KSR2: variants seen among roughly 807,000 people sequenced by gnomAD.
KSR2 encodes kinase suppressor of ras 2.
In KSR2, 25 loss-of-function variants were observed where a neutral mutation model predicts 107.8. That is an observed-to-expected ratio of 0.23 (90% CI 0.17 to 0.32). The LOEUF is 0.32. Among genes scored for constraint, KSR2 ranks in the 10% least tolerant of loss-of-function variants. The pLI, the probability that KSR2 is intolerant of heterozygous loss-of-function variation, is 1.00. For synonymous variants in KSR2, 480 were observed against 507.0 expected, an observed-to-expected ratio of 0.95 and a Z score of 0.71; for missense variants, 887 against 1,268.9, an observed-to-expected ratio of 0.70 and a Z score of 4.57.
chr12:117,938,946 C>G (rs903740113), intron 1 of KSR2, among the ~76,000 whole-genome samples: 4 of 151,144 alleles, frequency 2.6e-5, no homozygotes, highest in African/African-American at 9.7e-5. Context: ...GAACAAAAAT[C>G]ACTGGGAATC....
At chr12:117,654,806 G>A (rs1222779149) in intron 5 of KSR2, among the ~76,000 whole-genome samples, 1 of 152,208 alleles carries the variant, frequency 6.6e-6, no homozygotes, top group East Asian at 1.9e-4. Flanking sequence ...CAGTGGAAGA[G>A]GAGTTCAATA....
At chr12:117,924,572 CA>C (rs58789868) in intron 1 of KSR2, among the ~76,000 whole-genome samples, 6,721 of 39,512 alleles carry the variant, frequency 0.17, 64 homozygotes, top group East Asian at 0.24. Flanking sequence ...AGCTCCATCT[CA>C]AAAAAAAAAA....
At chr12:117,501,144 G>C (rs1873350910) in intron 14 of KSR2, among the ~76,000 whole-genome samples, 1 of 152,230 alleles carries the variant, frequency 6.6e-6, no homozygotes, top group African/African-American at 2.4e-5. Context: ...GTAATATCTT[G>C]TGCCATGTGA....
chr12:117,795,093 C>G (rs1257946799), intron 3 of KSR2, among the ~76,000 whole-genome samples: 1 of 152,174 alleles, frequency 6.6e-6, no homozygotes, highest in African/African-American at 2.4e-5. Context: ...CAGAGAAATG[C>G]CCCCAAGACA....
In KSR2 at chr12:117,692,449, CATATATATATATATATATATATAT is replaced by C. The variant is rs57091494; in HGVS notation, c.987-24815_987-24792del. 3.8e-3 allele frequency among the ~76,000 whole-genome samples: 324 copies of C among 84,300 alleles called. 6 individuals carry two copies. Among genetic ancestry groups the C allele is most frequent in the East Asian group, 0.026 (70 of 2,720 alleles). 55.3% of individuals were successfully genotyped at this position (84,300 alleles called of 152,430 possible). Reference sequence around the variant, plus strand: ...TACCATATGACCTGGCAACTTCACTCATATATATATATATATATATATATATATATATATATATATATATATATA... The same window carrying C: ...TACCATATGACCTGGCAACTTCACTCATATATATATATATATATATATATA... On this transcript the variant is annotated intron_variant, in intron 4 of 19. Coordinates refer to ENST00000339824, the MANE Select transcript of KSR2 (RefSeq NM_173598.6).
intron 7 of KSR2, among the ~76,000 whole-genome samples, chr12:117,569,349 T>C (rs1878728358): frequency 6.6e-6 from 1 of 152,210 alleles, no homozygotes; most frequent in Non-Finnish European, 1.5e-5. Context: ...GCATGGCTTA[T>C]TTAAGTAAAA....
intron 1 of KSR2, among the ~76,000 whole-genome samples, chr12:117,962,572 G>A (rs1009230997): frequency 6.6e-6 from 1 of 151,718 alleles, no homozygotes; most frequent in African/African-American, 2.4e-5. Flanking sequence ...AGCCTCCCGA[G>A]TAGTTGGGAT....
intron 5 of KSR2, among the ~76,000 whole-genome samples, chr12:117,639,294 T>C (rs1255766361): frequency 6.6e-6 from 1 of 151,752 alleles, no homozygotes; most frequent in East Asian, 1.9e-4. Flanking sequence ...TATGTGTGTA[T>C]GTAGACACAC....
intron 4 of KSR2, among the ~76,000 whole-genome samples, chr12:117,721,883 A>AT (rs1177963478): frequency 6.6e-6 from 1 of 152,182 alleles, no homozygotes; most frequent in East Asian, 1.9e-4. Flanking sequence ...TGGGGGATCT[A>AT]TTAGTTAGAC....
chr12:117,859,434 G>GT (rs1375282417), intron 2 of KSR2, among the ~76,000 whole-genome samples: 1 of 145,904 alleles, frequency 6.9e-6, no homozygotes, highest in Non-Finnish European at 1.5e-5. Context: ...CGCCTGGCCT[G>GT]TTTTTTTCGT....
intron 16 of KSR2, 134 bp from the exon 17 acceptor site, chr12:117,476,729 C>T: frequency 1.1e-6 from 1 of 907,016 alleles, no homozygotes; most frequent in Non-Finnish European, 1.6e-6. Context: ...GCCTGACCAC[C>T]TACTGGAGGC....
chr12:117,492,193 C>T (rs1167020795), intron 14 of KSR2, among the ~76,000 whole-genome samples: 1 of 152,210 alleles, frequency 6.6e-6, no homozygotes, highest in Non-Finnish European at 1.5e-5. Context: ...TCAGGTGACA[C>T]AGAGAGCCTT....
chr12:117,936,982 T>C (rs909532071), intron 1 of KSR2, among the ~76,000 whole-genome samples: 5 of 152,264 alleles, frequency 3.3e-5, no homozygotes, highest in Middle Eastern at 3.4e-3. Context: ...GCCTCCTCCA[T>C]CTGCCCCCAG....
At chr12:117,475,801 G>A (rs1302850745) in intron 17 of KSR2, among the ~76,000 whole-genome samples, 1 of 152,198 alleles carries the variant, frequency 6.6e-6, no homozygotes, top group African/African-American at 2.4e-5. Context: ...TATGGTAGGA[G>A]CAATGATATG....
intron 3 of KSR2, among the ~76,000 whole-genome samples, chr12:117,786,702 G>A (rs970300316): frequency 3.3e-5 from 5 of 152,248 alleles, no homozygotes; most frequent in African/African-American, 1.2e-4. Context: ...TGTAATCCCA[G>A]TTACTCAGGA....
chr12:117,574,395 G>C (rs1879125613), intron 7 of KSR2, among the ~76,000 whole-genome samples: 2 of 152,104 alleles, frequency 1.3e-5, no homozygotes, highest in African/African-American at 2.4e-5. Flanking sequence ...ACATCCCTGA[G>C]ACTGGGTAAT....
Position 117,682,479 on chromosome 12 carries a change from G to A in KSR2, c.987-14821C>T, listed in dbSNP as rs151203371. On this transcript the variant is annotated intron_variant, in intron 4 of 19. Coordinates refer to ENST00000339824, the MANE Select transcript of KSR2 (RefSeq NM_173598.6). ...GTTGCCCAGGCTGGAATGCAACGGC[G>A]CAATCTCGGCTCACCGCAACCTCTG... 2.9e-3 allele frequency among the ~76,000 whole-genome samples: 439 copies of A among 151,964 alleles called. 1 individual carries two copies. The highest frequency in any genetic ancestry group is 5.1e-3 in the Non-Finnish European group (348 of 67,960).
intron 3 of KSR2, among the ~76,000 whole-genome samples, chr12:117,767,257 C>CAAAA (rs1203613217): frequency 1.0e-4 from 12 of 120,010 alleles, no homozygotes; most frequent in African/African-American, 3.8e-4. Context: ...ACTAAAAATC[C>CAAAA]AAAAAAAAAA....
At position 117,456,970 on chromosome 12, in the gene KSR2, T is replaced by C. The variant is rs1327946974; in HGVS notation, c.*10229A>G. 1.3e-5 allele frequency: 2 copies of C among 152,218 alleles called. No homozygotes were observed. 9.4% of individuals were successfully genotyped at this position (152,218 alleles called of 1,614,324 possible). On this transcript the variant is annotated 3_prime_UTR_variant, in exon 20 of 20. Coordinates refer to ENST00000339824, the MANE Select transcript of KSR2 (RefSeq NM_173598.6). Reference sequence around the variant, plus strand: ...TCACTATCTGGGAGACTTTCCTTCCTGGGGAATACAGAAGGGCTTTCCCTG... The same window carrying C: ...TCACTATCTGGGAGACTTTCCTTCCCGGGGAATACAGAAGGGCTTTCCCTG...
Sources: allele counts gnomAD v4.1 joint callset (sites outside exome capture counted in the v4.1 genomes callset), GRCh38; gene constraint gnomAD v4.1.1; transcripts MANE v1.5; gene names NCBI Gene and HGNC (gene_info 2026-07-23, HGNC 2026-07-21).